Variants in NRG1 observed in about 807,000 individuals in gnomAD.
The protein encoded by NRG1 is pro-neuregulin-1, membrane-bound isoform.
A neutral mutation model predicts 63.8 loss-of-function variants in NRG1; 18 were observed. The ratio of observed to expected loss-of-function variants is 0.28; its 90% CI spans 0.19 to 0.42. NRG1 has a LOEUF of 0.42. NRG1 is among the 10% of genes least tolerant of loss of function. The probability of loss-of-function intolerance (pLI) is 1.00; values close to 1 mark genes in which losing one functional copy is unlikely to be tolerated. For missense variants in NRG1, 762 were observed against 814.7 expected (o/e 0.94, Z 0.79); for synonymous variants, 302 against 301.3 (o/e 1.00, Z -0.02).
At chr8:31,843,786 T>C (rs1028226359) in intron 1 of NRG1, among the ~76,000 whole-genome samples, 1 of 152,222 alleles carries the variant, frequency 6.6e-6, no homozygotes, top group Non-Finnish European at 1.5e-5. Flanking sequence ...ACAAGGAAAC[T>C]TCTACTACCA....
At chr8:31,819,166 G>C (rs1241099038) in intron 1 of NRG1, among the ~76,000 whole-genome samples, 3 of 151,248 alleles carry the variant, frequency 2.0e-5, no homozygotes, top group African/African-American at 7.3e-5. Context: ...TTGAGTCCAG[G>C]AGTTCGAGGT....
At chr8:32,582,037 G>T (rs73591030) in intron 1 of NRG1, among the ~76,000 whole-genome samples, 4,281 of 115,818 alleles carry the variant, frequency 0.037, 132 homozygotes, top group South Asian at 0.14. Context: ...TGCATTCTCT[G>T]AAGGGAGCTT....
chr8:32,303,183 C>CAAAAA lies in NRG1; in HGVS notation c.38-292645_38-292644insAAAAA, dbSNP rs1563291349. ...GGCAGAAAGAAGAGAAACTCAGTCT[C>CAAAAA]CAAAAAAAAAAAAAAAAAAAAAAAG... On this transcript the variant is annotated intron_variant, in intron 1 of 10. Coordinates refer to the NRG1 transcript ENST00000519301. Among the ~76,000 whole-genome samples the CAAAAA allele has an allele frequency of 4.5e-4, 27 of 59,698 alleles. 3 individuals are homozygous for CAAAAA. Among genetic ancestry groups the CAAAAA allele is most frequent in the East Asian group, 1.1e-3 (2 of 1,748 alleles). The allele number at this position is 59,698 out of a possible 152,430, so 39.2% of individuals were successfully genotyped here. A position where few individuals can be genotyped will look rare whatever the true frequency, so the allele number is the denominator to read the frequency against.
intron 1 of NRG1, among the ~76,000 whole-genome samples, chr8:31,756,634 C>A (rs1266984271): frequency 1.3e-5 from 2 of 152,126 alleles, no homozygotes; most frequent in African/African-American, 4.8e-5. Flanking sequence ...TCCATCTGGT[C>A]CTCTCAGGAT....
intron 1 of NRG1, among the ~76,000 whole-genome samples, chr8:31,886,109 A>G (rs1415538384): frequency 1.3e-5 from 2 of 152,160 alleles, no homozygotes; most frequent in Non-Finnish European, 2.9e-5. Context: ...GATATTAAAA[A>G]TTAATCCCTT....
rs140268938 is a variant in NRG1, at chr8:32,702,152, C to G, written c.503-25797C>G. On this transcript the variant is annotated intron_variant, in intron 5 of 11. Transcript: ENST00000356819. ...AGTCATTTATAACAACAAAAAAAAT[C>G]GATAGGAAATGGATGTTTTAGGGAA... Among the ~76,000 whole-genome samples, 6 of 152,082 alleles carry G rather than the reference C, an allele frequency of 3.9e-5. No individual in the cohort carries two copies. The South Asian group carries it at 1.2e-3, about 31-fold the overall frequency.
chr8:32,408,420 AGAGT>A (rs1456107149), intron 1 of NRG1, among the ~76,000 whole-genome samples: 2 of 152,192 alleles, frequency 1.3e-5, no homozygotes, highest in African/African-American at 4.8e-5. Flanking sequence ...TGACTAGGTC[AGAGT>A]GAGAAGCCAT....
At chr8:32,503,093 G>A (rs1828061271) in intron 1 of NRG1, among the ~76,000 whole-genome samples, 1 of 151,136 alleles carries the variant, frequency 6.6e-6, no homozygotes, top group Admixed American at 6.6e-5. Flanking sequence ...AGACCATCCT[G>A]GCTAACACAA....
At chr8:32,688,300 C>T (rs1315753233) in intron 5 of NRG1, among the ~76,000 whole-genome samples, 1 of 152,194 alleles carries the variant, frequency 6.6e-6, no homozygotes, top group East Asian at 1.9e-4. Flanking sequence ...AGCCGCTCAA[C>T]TCACCTAAAC....
At chr8:31,745,193 G>A (rs1209726936) in intron 1 of NRG1, among the ~76,000 whole-genome samples, 1 of 151,910 alleles carries the variant, frequency 6.6e-6, no homozygotes, top group Admixed American at 6.6e-5. Context: ...GGATAGAGAT[G>A]TTTGAAACCT....
At chr8:32,025,817 G>C (rs763606348) in intron 1 of NRG1, among the ~76,000 whole-genome samples, 2 of 151,286 alleles carry the variant, frequency 1.3e-5, no homozygotes, top group Non-Finnish European at 1.5e-5. Flanking sequence ...GCCTGGTGGC[G>C]GGCGCCTGTA....
chr8:32,368,941 T>C (rs2129482567), intron 1 of NRG1, among the ~76,000 whole-genome samples: 1 of 152,380 alleles, frequency 6.6e-6, no homozygotes, highest in Admixed American at 6.5e-5. Context: ...TTCTCTTCTC[T>C]ATACACCTGT....
intron 1 of NRG1, among the ~76,000 whole-genome samples, chr8:31,995,134 C>T (rs908510827): frequency 3.3e-5 from 5 of 151,904 alleles, no homozygotes; most frequent in African/African-American, 9.7e-5. Context: ...GAATTTCCTT[C>T]CCAGAGTTAC....
chr8:31,983,795 T>A (rs1809581444), intron 1 of NRG1, among the ~76,000 whole-genome samples: 2 of 152,062 alleles, frequency 1.3e-5, no homozygotes, highest in Non-Finnish European at 2.9e-5. Flanking sequence ...AGTCAGGACA[T>A]CCTAATTCAA....
At chr8:32,429,927 A>G (rs1817918372) in intron 1 of NRG1, among the ~76,000 whole-genome samples, 1 of 152,160 alleles carries the variant, frequency 6.6e-6, no homozygotes, top group Admixed American at 6.6e-5. Context: ...GTGTTTGTGC[A>G]TATATTTTGC....
chr8:32,518,519 G>A (rs1050574176), intron 1 of NRG1, among the ~76,000 whole-genome samples: 3 of 152,114 alleles, frequency 2.0e-5, no homozygotes, highest in Non-Finnish European at 4.4e-5. Flanking sequence ...ACTCCCACTG[G>A]AATGTAATTT....
In NRG1 at chr8:32,291,922, T is replaced by C. The variant is rs76537887; in HGVS notation, c.38-303906T>C. ...ATATATGTTCATTGTTGCTAAAGGC[T>C]TGGTACCAGCACCAGCTACAGGAGT... On this transcript the variant is annotated intron_variant, in intron 1 of 10. Transcript: ENST00000519301. 2.6e-3 allele frequency among the ~76,000 whole-genome samples: 390 copies of C among 152,322 alleles called. 4 individuals carry two copies. Among genetic ancestry groups the C allele is most frequent in the African/African-American group, 9.2e-3 (381 of 41,576 alleles).
chr8:32,736,860 G>T (rs188340565), intron 6 of NRG1, among the ~76,000 whole-genome samples: 25 of 151,792 alleles, frequency 1.6e-4, no homozygotes, highest in Non-Finnish European at 3.2e-4. Context: ...CTTGGGGTCC[G>T]TGAATATCTA....
chr8:31,826,821 C>T (rs1203784471), intron 1 of NRG1, among the ~76,000 whole-genome samples: 2 of 152,182 alleles, frequency 1.3e-5, no homozygotes, highest in Admixed American at 1.3e-4. Context: ...GAGAGAGAAG[C>T]AGTTACATGA....
Sources: gnomAD v4.1 joint callset for allele counts (sites outside exome capture counted in the v4.1 genomes callset) on GRCh38, gnomAD v4.1.1 for gene constraint, MANE v1.5 for transcripts, NCBI Gene and HGNC (gene_info 2026-07-23, HGNC 2026-07-21) for gene names.